Variants in MECOM observed in about 807,000 individuals in gnomAD.
The protein encoded by MECOM is histone-lysine N-methyltransferase MECOM.
In MECOM, 13 loss-of-function variants were observed where a neutral mutation model predicts 116.3. The ratio of observed to expected loss-of-function variants is 0.11; its 90% CI spans 0.07 to 0.18. The LOEUF is 0.18. Ranked by LOEUF, MECOM falls within the 10% of genes least tolerant of loss-of-function variation. The pLI is 1.00. For synonymous variants in MECOM, 528 were observed against 535.2 expected (o/e 0.99, Z 0.19); for missense variants, 1,299 against 1,509.0 (o/e 0.86, Z 2.31).
chr3:169,544,529 T>C (rs1760480396), intron 1 of MECOM, among the ~76,000 whole-genome samples: 1 of 152,168 alleles, frequency 6.6e-6, no homozygotes, highest in Non-Finnish European at 1.5e-5. Context: ...GCATCTGTTG[T>C]TTCTTGACTT....
intron 2 of MECOM, among the ~76,000 whole-genome samples, chr3:169,224,879 A>C (rs947827016): frequency 6.6e-6 from 1 of 152,216 alleles, no homozygotes; most frequent in African/African-American, 2.4e-5. Context: ...AAGGATACAA[A>C]TTAGATTTCC....
At chr3:169,357,867 T>C (rs984981081) in intron 2 of MECOM, among the ~76,000 whole-genome samples, 1 of 151,692 alleles carries the variant, frequency 6.6e-6, no homozygotes, top group Non-Finnish European at 1.5e-5. Context: ...GGAAAAGAAG[T>C]CTATCATTTT....
chr3:169,188,278 T>C (rs754441883), intron 2 of MECOM, among the ~76,000 whole-genome samples: 2 of 151,186 alleles, frequency 1.3e-5, no homozygotes, highest in African/African-American at 2.4e-5. Flanking sequence ...CAGGATGAAA[T>C]GGGGGAATAC....
chr3:169,112,987 G>A, intron 8 of MECOM, 113 bp from the exon 9 acceptor site: 1 of 732,518 alleles, frequency 1.4e-6, no homozygotes, highest in Non-Finnish European at 2.3e-6. Flanking sequence ...TTTCTGGGAA[G>A]CGCACTCATA....
intron 9 of MECOM, among the ~76,000 whole-genome samples, chr3:169,110,484 A>G (rs938028164): frequency 9.2e-5 from 14 of 152,122 alleles, no homozygotes; most frequent in Non-Finnish European, 1.9e-4. Flanking sequence ...CTTGTATCCC[A>G]GCTATATATA....
At position 169,093,006 on chromosome 3, in the gene MECOM, A is replaced by G. The variant is rs374412171; in HGVS notation, c.3116T>C (p.Ile1039Thr). ...DAYFTEIRNF[I>T]GNSNHGSQSP... ...TTGGCTGCCATGGTTGCTGTTCCCA[A>G]TGAAATTTCGAATTTCTGTGAAGTA... The change falls in exon 14 of 17, where the codon ATT (isoleucine) becomes ACT (threonine). Residue 1039 changes from isoleucine (I) to threonine (T), a missense_variant. This residue lies in a region of MECOM where 273 missense variants were observed against 289.3 expected (regional missense o/e 0.94). Coordinates refer to ENST00000651503, the MANE Select transcript of MECOM (RefSeq NM_004991.4). 5.0e-5 allele frequency: 81 copies of G among 1,613,684 alleles called. No homozygotes were observed. The highest frequency in any genetic ancestry group is 4.3e-4 in the Admixed American group (26 of 59,968).
intron 1 of MECOM, among the ~76,000 whole-genome samples, chr3:169,460,441 C>T (rs1167405319): frequency 6.6e-6 from 1 of 151,986 alleles, no homozygotes. Context: ...TTGGAAAAGA[C>T]CTTAGAGATC....
intron 1 of MECOM, among the ~76,000 whole-genome samples, chr3:169,643,397 G>A (rs1773746970): frequency 6.6e-6 from 1 of 152,080 alleles, no homozygotes; most frequent in Non-Finnish European, 1.5e-5. Context: ...CCCTCTTACA[G>A]GTACCCCAAA....
intron 2 of MECOM, among the ~76,000 whole-genome samples, chr3:169,228,792 C>T (rs1256351556): frequency 2.0e-5 from 3 of 152,106 alleles, no homozygotes; most frequent in Admixed American, 1.3e-4. Flanking sequence ...CAGCATTAGA[C>T]GGAGCTGTTC....
chr3:169,331,106 A>G (rs1722636353), intron 2 of MECOM, among the ~76,000 whole-genome samples: 1 of 152,120 alleles, frequency 6.6e-6, no homozygotes, highest in South Asian at 2.1e-4. Context: ...TAGACACTGT[A>G]CAAACATCCT....
chr3:169,503,880 T>C (rs1270548034), intron 1 of MECOM, among the ~76,000 whole-genome samples: 1 of 152,184 alleles, frequency 6.6e-6, no homozygotes, highest in African/African-American at 2.4e-5. Flanking sequence ...AGTAGCACTG[T>C]AACATAGACC....
chr3:169,406,883 C>T (rs1239658926), intron 1 of MECOM, among the ~76,000 whole-genome samples: 3 of 151,032 alleles, frequency 2.0e-5, no homozygotes, highest in African/African-American at 7.3e-5. Context: ...ACTCTGTCAC[C>T]CAAGCTGGAG....
chr3:169,156,210 A>G (rs34084276), intron 2 of MECOM, among the ~76,000 whole-genome samples: 14,846 of 152,200 alleles, frequency 0.098, 938 homozygotes, highest in Non-Finnish European at 0.14. Context: ...CCAATGTGCT[A>G]AATACACTTA....
At chr3:169,483,602 G>T in intron 1 of MECOM, 3 of 1,107,562 alleles carry the variant, frequency 2.7e-6, no homozygotes, top group Non-Finnish European at 1.3e-6. Context: ...GAGATACAAG[G>T]ATAAACCACC....
chr3:169,270,218 G>A (rs886995759), intron 2 of MECOM, among the ~76,000 whole-genome samples: 2 of 152,118 alleles, frequency 1.3e-5, no homozygotes, highest in Admixed American at 6.6e-5. Context: ...TAAATGATGG[G>A]TTGGTATCTA....
intron 1 of MECOM, among the ~76,000 whole-genome samples, chr3:169,647,406 T>C (rs1478702868): frequency 1.3e-5 from 2 of 152,238 alleles, no homozygotes; most frequent in African/African-American, 4.8e-5. Context: ...ATTTTACAGA[T>C]GATGACATTC....
chr3:169,360,355 C>T (rs1237217873), intron 2 of MECOM, among the ~76,000 whole-genome samples: 1 of 137,100 alleles, frequency 7.3e-6, no homozygotes, highest in Non-Finnish European at 1.6e-5. Context: ...AAAAAAGCTC[C>T]TACAATTTTT....
At chr3:169,562,522 G>A (rs984545967) in intron 1 of MECOM, among the ~76,000 whole-genome samples, 1 of 152,110 alleles carries the variant, frequency 6.6e-6, no homozygotes, top group Non-Finnish European at 1.5e-5. Flanking sequence ...AAACTCCGAC[G>A]CCGCAGTTTA....
chr3:169,655,734 C>T (rs967858606), intron 1 of MECOM, among the ~76,000 whole-genome samples: 1 of 151,848 alleles, frequency 6.6e-6, no homozygotes, highest in Non-Finnish European at 1.5e-5. Context: ...TTACCGTAGA[C>T]ATGTAAATAC....
Sources: allele counts gnomAD v4.1 joint callset (sites outside exome capture counted in the v4.1 genomes callset), GRCh38; gene constraint gnomAD v4.1.1; regional missense constraint gnomAD v4.1.1; transcripts MANE v1.5; gene names NCBI Gene and HGNC (gene_info 2026-07-23, HGNC 2026-07-21).